Variants in RBMS3 observed in about 807,000 individuals in gnomAD.
RBMS3 encodes RNA binding motif single stranded interacting protein 3.
Under a neutral mutation model 66.8 loss-of-function variants are expected in RBMS3, and 27 were observed. The ratio of observed to expected loss-of-function variants is 0.40; its 90% CI spans 0.30 to 0.56. RBMS3 has a LOEUF of 0.56. Ranked by LOEUF, RBMS3 falls within the 20% of genes least tolerant of loss-of-function variation. The pLI, the probability that RBMS3 is intolerant of heterozygous loss-of-function variation, is 0.40. For missense variants in RBMS3, 513 were observed against 549.5 expected (o/e 0.93, Z 0.66); for synonymous variants, 188 against 183.0 (o/e 1.03, Z -0.22).
Position 29,922,601 on chromosome 3 carries a change from T to G in RBMS3, c.940-13485T>G, listed in dbSNP as rs190674952. 3.3e-4 allele frequency among the ~76,000 whole-genome samples: 51 copies of G among 152,312 alleles called. 1 individual carries two copies. The highest frequency in any genetic ancestry group is 1.1e-3 in the African/African-American group (45 of 41,574). The stretch of plus-strand genomic sequence containing the variant: ...ACACTGTACAGTACCAAAATATCTT[T>G]TAAAAAGTTATGAAGGCTCTAACAT... On this transcript the variant is annotated intron_variant, in intron 10 of 14. Coordinates refer to ENST00000383767, the MANE Select transcript of RBMS3 (RefSeq NM_001003793.3).
At chr3:29,739,452 T>C (rs2054533569) in intron 4 of RBMS3, among the ~76,000 whole-genome samples, 1 of 94,968 alleles carries the variant, frequency 1.1e-5, no homozygotes, top group Non-Finnish European at 2.1e-5. Context: ...CGAGACTCCG[T>C]CTCAAGAAAA....
intron 10 of RBMS3, among the ~76,000 whole-genome samples, chr3:29,913,987 T>A (rs2149638258): frequency 6.6e-6 from 1 of 152,082 alleles, no homozygotes; most frequent in Middle Eastern, 3.4e-3. Context: ...TGGCATGAAC[T>A]GATGAATGAT....
At chr3:29,709,688 T>TA (rs2053072512) in intron 4 of RBMS3, among the ~76,000 whole-genome samples, 1 of 152,222 alleles carries the variant, frequency 6.6e-6, no homozygotes, top group Non-Finnish European at 1.5e-5. Flanking sequence ...CAGAATCTCT[T>TA]ATGTTTGTCC....
intron 1 of RBMS3, among the ~76,000 whole-genome samples, chr3:29,291,881 G>T (rs1438642535): frequency 6.6e-6 from 1 of 151,676 alleles, no homozygotes; most frequent in Non-Finnish European, 1.5e-5. Flanking sequence ...TGCTACTCCA[G>T]CCATAAGCCA....
intron 4 of RBMS3, among the ~76,000 whole-genome samples, chr3:29,670,136 T>C (rs1317668132): frequency 6.6e-6 from 1 of 152,208 alleles, no homozygotes; most frequent in Non-Finnish European, 1.5e-5. Flanking sequence ...AACATATTCC[T>C]ACCTACATAA....
intron 12 of RBMS3, among the ~76,000 whole-genome samples, chr3:29,978,749 T>C (rs774469710): frequency 1.3e-5 from 2 of 152,142 alleles, no homozygotes; most frequent in Non-Finnish European, 2.9e-5. Context: ...TTAATACCTA[T>C]ATTACATAAA....
At chr3:29,456,890 C>G (rs1251474090) in intron 2 of RBMS3, among the ~76,000 whole-genome samples, 1 of 152,088 alleles carries the variant, frequency 6.6e-6, no homozygotes, top group African/African-American at 2.4e-5. Flanking sequence ...AACTTTTACA[C>G]AAGGAGGCTG....
intron 3 of RBMS3, among the ~76,000 whole-genome samples, chr3:29,549,012 C>CA (rs1396722601): frequency 1.4e-5 from 2 of 146,884 alleles, no homozygotes; most frequent in African/African-American, 5.0e-5. Context: ...ATCAAGAAAA[C>CA]AAAGATATGT....
chr3:29,779,954 T>A (rs958339823), intron 6 of RBMS3, among the ~76,000 whole-genome samples: 2 of 151,220 alleles, frequency 1.3e-5, no homozygotes, highest in East Asian at 3.9e-4. Flanking sequence ...CATAACGGAA[T>A]AATTATAATA....
At chr3:29,998,118 A>C (rs1225433781) in intron 14 of RBMS3, among the ~76,000 whole-genome samples, 1 of 152,212 alleles carries the variant, frequency 6.6e-6, no homozygotes, top group Admixed American at 6.5e-5. Flanking sequence ...ACTCTTATAC[A>C]CCAATAACAG....
chr3:29,960,440 T>C (rs1362386340), intron 12 of RBMS3, among the ~76,000 whole-genome samples: 5 of 152,148 alleles, frequency 3.3e-5, no homozygotes, highest in Non-Finnish European at 2.9e-5. Context: ...CTTTTCCAGG[T>C]ACACAGTGCA....
chr3:29,754,840 T>C (rs1350390540), intron 5 of RBMS3, among the ~76,000 whole-genome samples: 1 of 152,166 alleles, frequency 6.6e-6, no homozygotes, highest in Non-Finnish European at 1.5e-5. Context: ...GTGTCACAAA[T>C]GCTAGGAATA....
chr3:29,509,907 G>A (rs1004976025), intron 3 of RBMS3, among the ~76,000 whole-genome samples: 1 of 152,198 alleles, frequency 6.6e-6, no homozygotes, highest in Non-Finnish European at 1.5e-5. Flanking sequence ...TGAAGTAGTT[G>A]TCCAATGCAT....
chr3:29,837,980 G>C (rs2058568040), intron 6 of RBMS3, among the ~76,000 whole-genome samples: 1 of 151,334 alleles, frequency 6.6e-6, no homozygotes, highest in Non-Finnish European at 1.5e-5. Context: ...TTTGGTAGCT[G>C]TAAGTCTAAT....
rs966071233 is a variant in RBMS3 at position 30,009,477 on chromosome 3, G to C, written c.*5615G>C. 2 of 151,996 alleles carry C rather than the reference G, an allele frequency of 1.3e-5. No individual in the cohort carries two copies. The highest frequency in any genetic ancestry group is 4.8e-5 in the African/African-American group (2 of 41,396). 9.4% of individuals were successfully genotyped at this position (151,996 alleles called of 1,614,324 possible). ...TCTTATCTACCACAAATAATTGAGA[G>C]TTGGCTAAATTCTTGCAGAATATAT... On this transcript the variant is annotated 3_prime_UTR_variant, in exon 15 of 15. Transcript: ENST00000383767.
chr3:29,849,678 T>C (rs2058883801), intron 6 of RBMS3, among the ~76,000 whole-genome samples: 1 of 152,174 alleles, frequency 6.6e-6, no homozygotes, highest in Non-Finnish European at 1.5e-5. Context: ...GAAGGTCCAA[T>C]AATGTTAAAA....
At chr3:29,844,919 T>A (rs114107134) in intron 6 of RBMS3, among the ~76,000 whole-genome samples, 1,557 of 152,336 alleles carry the variant, frequency 0.01, 13 homozygotes, top group South Asian at 0.023. Flanking sequence ...AAAGTTAAGA[T>A]GTTGTTGGCT....
chr3:29,890,928 G>A (rs922991516), intron 8 of RBMS3, among the ~76,000 whole-genome samples: 6 of 151,448 alleles, frequency 4.0e-5, no homozygotes, highest in African/African-American at 1.5e-4. Context: ...GTGGAGGAGA[G>A]GCAGTTGTGT....
At chr3:29,885,826 A>C (rs2059856729) in intron 8 of RBMS3, among the ~76,000 whole-genome samples, 1 of 151,778 alleles carries the variant, frequency 6.6e-6, no homozygotes, top group Admixed American at 6.6e-5. Context: ...TGTCTATAGT[A>C]TTTATCTATG....
Sources: gnomAD v4.1 joint callset for allele counts (sites outside exome capture counted in the v4.1 genomes callset) on GRCh38, gnomAD v4.1.1 for gene constraint, MANE v1.5 for transcripts, NCBI Gene and HGNC (gene_info 2026-07-23, HGNC 2026-07-21) for gene names.